Variants in EEA1 observed in about 807,000 individuals in gnomAD.
The protein encoded by EEA1 is early endosome antigen 1, also known as early endosome antigen 1, 162kD.
In EEA1, 111 loss-of-function variants were observed where a neutral mutation model predicts 209.2. The ratio of observed to expected loss-of-function variants is 0.53; its 90% CI spans 0.45 to 0.62. The LOEUF (loss-of-function observed/expected upper bound fraction) is 0.62, where lower values mean the gene tolerates loss of function less well. Among genes scored for constraint, EEA1 ranks in the 20% least tolerant of loss-of-function variants. The pLI, the probability that EEA1 is intolerant of heterozygous loss-of-function variation, is 0.00. For synonymous variants in EEA1, 536 were observed against 540.6 expected, an observed-to-expected ratio of 0.99 and a Z score of 0.12; for missense variants, 1,343 against 1,530.8, an observed-to-expected ratio of 0.88 and a Z score of 2.05.
At chr12:92,889,912 T>C (rs1178664561) in intron 2 of EEA1, among the ~76,000 whole-genome samples, 3 of 151,948 alleles carry the variant, frequency 2.0e-5, no homozygotes, top group Non-Finnish European at 4.4e-5. Context: ...AGACTCTGTC[T>C]CAAAAAAAAG....
At chr12:92,892,420 A>C (rs1879687950) in intron 1 of EEA1, among the ~76,000 whole-genome samples, 1 of 152,094 alleles carries the variant, frequency 6.6e-6, no homozygotes, top group African/African-American at 2.4e-5. Context: ...AAAAATCAGA[A>C]AGTCCTCAAG....
chr12:92,799,874 T>C (rs1366646678), intron 20 of EEA1, among the ~76,000 whole-genome samples: 1 of 152,132 alleles, frequency 6.6e-6, no homozygotes, highest in African/African-American at 2.4e-5. Flanking sequence ...CTATAGTAAC[T>C]ATGATAAAAA....
chr12:92,834,217 T>C (rs1032286385), intron 10 of EEA1, among the ~76,000 whole-genome samples: 1 of 151,998 alleles, frequency 6.6e-6, no homozygotes, highest in African/African-American at 2.4e-5. Context: ...AAATATACTA[T>C]GGAAAAGCAG....
At chr12:92,794,663 T>C (rs1014021593) in intron 21 of EEA1, among the ~76,000 whole-genome samples, 1 of 146,660 alleles carries the variant, frequency 6.8e-6, no homozygotes, top group Non-Finnish European at 1.5e-5. Context: ...TTCCCACTCA[T>C]AGGTGGAAAG....
intron 9 of EEA1, among the ~76,000 whole-genome samples, chr12:92,845,172 A>G (rs1877337883): frequency 1.3e-5 from 2 of 152,122 alleles, no homozygotes; most frequent in Non-Finnish European, 2.9e-5. Context: ...TTTTATATAG[A>G]TAAATTCCAG....
chr12:92,917,398 G>C (rs367667915), intron 1 of EEA1, among the ~76,000 whole-genome samples: 1,589 of 147,984 alleles, frequency 0.011, 27 homozygotes, highest in African/African-American at 0.038. Context: ...CGGATCTCTC[G>C]GCAGAAACCC....
intron 1 of EEA1, among the ~76,000 whole-genome samples, chr12:92,906,326 G>A (rs757703066): frequency 2.6e-5 from 4 of 151,720 alleles, no homozygotes; most frequent in African/African-American, 7.3e-5. Flanking sequence ...ATTCTTAGGC[G>A]CAAGCAATCC....
chr12:92,775,130 A>G lies in EEA1; in HGVS notation c.*881T>C, dbSNP rs909334017. The G allele has an allele frequency of 2.0e-5, 3 of 151,730 alleles. No homozygotes were observed. The highest frequency in any genetic ancestry group is 6.6e-5 in the Admixed American group (1 of 15,194). 9.4% of individuals were successfully genotyped at this position (151,730 alleles called of 1,614,324 possible). On this transcript the variant is annotated 3_prime_UTR_variant, in exon 29 of 29. Transcript: ENST00000322349. ...GGTATGATATGAAGGCTGATCTCAA[A>G]AGACTTCCCACTTACAAGAAACCGA...
chr12:92,917,599 A>G (rs1396143497), intron 1 of EEA1, among the ~76,000 whole-genome samples: 2 of 152,104 alleles, frequency 1.3e-5, no homozygotes, highest in Non-Finnish European at 2.9e-5. Context: ...AGGAAGCGCT[A>G]AACATGGAAA....
At position 92,798,910 on chromosome 12, in the gene EEA1, T is replaced by A. The variant is rs1874770804; in HGVS notation, c.2949A>T (p.Lys983Asn). Residue 983 changes from lysine to asparagine, a missense_variant, in exon 21 of 29, where the codon AAA (lysine) becomes AAT (asparagine). Transcript: ENST00000322349. ...KQIEALQGEL[K>N]IAVLQKTELE... ...TCACTACCTTCTGTAAAACAGCAAT[T>A]TTAAGCTCTCCTTGGAGTGCTTCAA... 2 of 1,592,810 alleles carry A rather than the reference T, an allele frequency of 1.3e-6. No individual in the cohort carries two copies.
chr12:92,854,039 A>G, intron 5 of EEA1, 85 bp from the exon 6 acceptor site: 2 of 1,106,806 alleles, frequency 1.8e-6, no homozygotes, highest in South Asian at 1.8e-5. Flanking sequence ...AAATCTCTGA[A>G]AGTCACTTTC....
chr12:92,806,761 G>GT (rs1280175728), intron 18 of EEA1, among the ~76,000 whole-genome samples: 1 of 152,030 alleles, frequency 6.6e-6, no homozygotes, highest in African/African-American at 2.4e-5. Context: ...ATACAAAAAG[G>GT]TAATACAGCA....
intron 10 of EEA1, among the ~76,000 whole-genome samples, chr12:92,836,992 G>A (rs567167615): frequency 4.6e-4 from 70 of 151,892 alleles, no homozygotes; most frequent in African/African-American, 1.6e-3. Context: ...GTGGTGGTGC[G>A]TACCTGTAAT....
intron 1 of EEA1, among the ~76,000 whole-genome samples, chr12:92,894,377 A>T (rs1262262775): frequency 6.6e-6 from 1 of 152,166 alleles, no homozygotes; most frequent in South Asian, 2.1e-4. Flanking sequence ...TTTAAATCAA[A>T]AGCTAGAAAT....
At chr12:92,854,893 T>C (rs567527316) in intron 5 of EEA1, among the ~76,000 whole-genome samples, 20 of 152,340 alleles carry the variant, frequency 1.3e-4, no homozygotes, top group African/African-American at 4.8e-4. Context: ...ACTCACCCAC[T>C]ATATGGTTAA....
intron 13 of EEA1, among the ~76,000 whole-genome samples, chr12:92,823,193 T>C (rs1457403764): frequency 2.6e-5 from 4 of 152,216 alleles, no homozygotes; most frequent in East Asian, 1.9e-4. Flanking sequence ...GAATATTCTA[T>C]TTAAAAAGCA....
At position 92,780,290 on chromosome 12, in the gene EEA1, T is replaced by C. The variant is rs1179600566; in HGVS notation, c.3458A>G (p.Glu1153Gly). ...LNEELKSHKLESIKEITNLKD... is the reference protein window; with the variant it reads ...LNEELKSHKLGSIKEITNLKD... ...ATTATCTTAACATACCTTTATGCTT[T>C]CTAGTTTGTGGGACTTGAGTTCTTC... The change falls in exon 24 of 29, where the codon GAA (glutamate) becomes GGA (glycine). Residue 1153 changes from glutamate to glycine, a missense_variant. Coordinates refer to ENST00000322349, the MANE Select transcript of EEA1 (RefSeq NM_003566.4). 3 of 1,597,222 alleles carry C rather than the reference T, an allele frequency of 1.9e-6. No homozygotes were observed. Among genetic ancestry groups the C allele is most frequent in the Non-Finnish European group, 2.6e-6 (3 of 1,175,434 alleles).
At chr12:92,889,769 C>T (rs1372897889) in intron 2 of EEA1, among the ~76,000 whole-genome samples, 1 of 152,050 alleles carries the variant, frequency 6.6e-6, no homozygotes, top group African/African-American at 2.4e-5. Flanking sequence ...AAAAAATTAG[C>T]CAGGTGTGGT....
At chr12:92,928,397 T>C (rs555172251) in intron 1 of EEA1, among the ~76,000 whole-genome samples, 1 of 152,268 alleles carries the variant, frequency 6.6e-6, no homozygotes, top group African/African-American at 2.4e-5. Flanking sequence ...TAAAATAAGG[T>C]AGTGGGGCTT....
Sources: gnomAD v4.1 joint callset for allele counts (sites outside exome capture counted in the v4.1 genomes callset) on GRCh38, gnomAD v4.1.1 for gene constraint, MANE v1.5 for transcripts, NCBI Gene and HGNC (gene_info 2026-07-23, HGNC 2026-07-21) for gene names.